Variants in TOB2 observed in about 807,000 individuals in gnomAD.
TOB2 encodes the protein protein Tob2.
TOB2 carries 3 observed loss-of-function variants against 17.3 expected under a neutral mutation model. The ratio of observed to expected loss-of-function variants is 0.17; its 90% CI spans 0.08 to 0.45. The LOEUF (loss-of-function observed/expected upper bound fraction) is 0.45. TOB2 is among the 20% of genes least tolerant of loss of function. TOB2 has a pLI of 0.99. For missense variants in TOB2, 407 were observed against 445.7 expected (o/e 0.91, Z 0.78); for synonymous variants, 163 against 185.6 (o/e 0.88, Z 0.99).
Position 41,434,845 on chromosome 22 carries a change from A to C in TOB2, c.*1466T>G, listed in dbSNP as rs1226431819. Reference sequence around the variant, plus strand: ...AGAGCAAGTGCTCTCCTATGATCCAATACATCAGGCGGGAGTGCTGAGTCC... The same window carrying C: ...AGAGCAAGTGCTCTCCTATGATCCACTACATCAGGCGGGAGTGCTGAGTCC... On this transcript the variant is annotated 3_prime_UTR_variant, in exon 2 of 2. Transcript: ENST00000327492. The C allele has an allele frequency of 6.6e-6, 1 of 152,536 alleles. No individual in the cohort carries two copies. The highest frequency in any genetic ancestry group is 1.5e-5 in the Non-Finnish European group (1 of 68,096). 9.4% of individuals were successfully genotyped at this position (152,536 alleles called of 1,614,324 possible).
At position 41,436,210 on chromosome 22, in the gene TOB2, C is replaced by G. The variant is rs111462313; in HGVS notation, c.*101G>C. 1.4e-6 allele frequency: 2 copies of G among 1,404,866 alleles called. No individual in the cohort carries two copies. Among genetic ancestry groups the G allele is most frequent in the African/African-American group, 2.9e-5 (2 of 69,276 alleles). 87.0% of individuals were successfully genotyped at this position (1,404,866 alleles called of 1,614,324 possible). On this transcript the variant is annotated 3_prime_UTR_variant, in exon 2 of 2. Transcript: ENST00000327492. The surrounding 1 kb of genome is among the most constrained non-coding windows in gnomAD (Gnocchi z 4.8). ...TTTCTAGAAGTAAGAGTGAGAAGAT[C>G]GAAAATCTTTTTGTACATTTTTCTT...
rs1435094041 is a variant in TOB2 at position 41,436,237 on chromosome 22, T to A, written c.*74A>T. 2 of 1,475,522 alleles carry A rather than the reference T, an allele frequency of 1.4e-6. No individual in the cohort carries two copies. Among genetic ancestry groups the A allele is most frequent in the African/African-American group, 2.8e-5 (2 of 71,154 alleles). The allele number at this position is 1,475,522 out of a possible 1,614,324, so 91.4% of individuals were successfully genotyped here. On this transcript the variant is annotated 3_prime_UTR_variant, in exon 2 of 2. Coordinates refer to ENST00000327492, the MANE Select transcript of TOB2 (RefSeq NM_016272.4). This position sits in a 1 kb window ranked among gnomAD's most constrained non-coding sequence, Gnocchi z 4.8. ...AAAATCTTTTTGTACATTTTTCTTT[T>A]CCTCTTTTTTTTGGCCTTTCCTTTC... is the stretch of plus-strand genomic sequence containing the variant.
intron 1 of TOB2, among the ~76,000 whole-genome samples, chr22:41,439,710 T>C (rs1451410702): frequency 1.3e-5 from 2 of 152,104 alleles, no homozygotes; most frequent in Non-Finnish European, 2.9e-5. Context: ...GAGATGGGGT[T>C]TCACCATGTT....
rs780029608 is a variant in TOB2 at position 41,436,766 on chromosome 22, CCTT to C, written c.577_579del (p.Lys193del). 7 of 1,613,938 alleles carry C rather than the reference CCTT, an allele frequency of 4.3e-6. No homozygotes were observed. In the South Asian group the frequency reaches 5.5e-5, roughly 13 times the overall value. ...CCCCCACCACTTGCTGCCCCGCCCC[CCTT>C]CTTCATCTTAGTGGAGCCAAATTTG... On this transcript the variant is annotated inframe_deletion, in exon 2 of 2. Transcript: ENST00000327492. This position sits in a 1 kb window ranked among gnomAD's most constrained non-coding sequence, Gnocchi z 4.8.
chr22:41,437,289 CTTG>C lies in TOB2; in HGVS notation c.54_56del (p.Asn18del). On this transcript the variant is annotated inframe_deletion, in exon 2 of 2. Transcript: ENST00000327492. ...ACAGGTCTGCCCGGCGCCGGGGCAG[CTTG>C]TTGTACAAGTAGGAGATGATGAAGT... 6.2e-7 allele frequency: 1 copy of C among 1,614,108 alleles called. No individual in the cohort carries two copies. The highest frequency in any genetic ancestry group is 8.5e-7 in the Non-Finnish European group (1 of 1,180,032).
At chr22:41,438,565 G>A (rs991038738) in intron 1 of TOB2, among the ~76,000 whole-genome samples, 2 of 143,132 alleles carry the variant, frequency 1.4e-5, no homozygotes, top group African/African-American at 5.1e-5. Context: ...AGGAGGCGGA[G>A]GTTGTGGTGA....
chr22:41,440,297 T>TC (rs1176842784), intron 1 of TOB2, among the ~76,000 whole-genome samples: 1 of 151,244 alleles, frequency 6.6e-6, no homozygotes, highest in East Asian at 2.0e-4. Flanking sequence ...TTTTTTTTTT[T>TC]CAGTAGAGAC....
In TOB2 at chr22:41,437,012, G is replaced by T. The variant is rs1490724722; in HGVS notation, c.334C>A (p.Leu112Met). Reference sequence around the variant, plus strand: ...CAACCCTCACTGTCATCCAGGTACAGCACTTTCACAGCTCCCTTCTCACCA... The same window carrying T: ...CAACCCTCACTGTCATCCAGGTACATCACTTTCACAGCTCCCTTCTCACCA... ...QIGEKGAVKV[L>M]YLDDSEGCGA... The change falls in exon 2 of 2, where the codon CTG (leucine) becomes ATG (methionine). Residue 112 changes from leucine to methionine, a missense_variant. By Grantham distance (15) the Leu-to-Met change is conservative. Coordinates refer to ENST00000327492, the MANE Select transcript of TOB2 (RefSeq NM_016272.4). The T allele has an allele frequency of 1.9e-6, 3 of 1,614,160 alleles. No individual in the cohort carries two copies. Among genetic ancestry groups the T allele is most frequent in the Non-Finnish European group, 2.5e-6 (3 of 1,180,034 alleles).
At chr22:41,444,154 C>T (rs202653) in intron 1 of TOB2, among the ~76,000 whole-genome samples, 113,584 of 151,872 alleles carry the variant, frequency 0.75, 43,091 homozygotes, top group East Asian at 0.95. Flanking sequence ...GGAGTGAGAG[C>T]CAAACGCAGG....
chr22:41,443,554 G>A (rs995686966), intron 1 of TOB2, among the ~76,000 whole-genome samples: 1 of 150,916 alleles, frequency 6.6e-6, no homozygotes, highest in Non-Finnish European at 1.5e-5. Context: ...TCTTGACCTC[G>A]TGATCCGCTC....
intron 1 of TOB2, among the ~76,000 whole-genome samples, chr22:41,441,221 A>G (rs1219024137): frequency 2.6e-5 from 4 of 151,848 alleles, no homozygotes; most frequent in Admixed American, 2.6e-4. Flanking sequence ...AGGCTGAGGC[A>G]GGAGAATCGC....
At chr22:41,439,485 ATGTATGTATG>A (rs1478027830) in intron 1 of TOB2, among the ~76,000 whole-genome samples, 9 of 9,744 alleles carry the variant, frequency 9.2e-4, no homozygotes, top group Non-Finnish European at 2.0e-3. Flanking sequence ...AATTTTACGT[ATGTATGTATG>A]TATGTATGTA....
Position 41,437,190 on chromosome 22 carries a change from G to T in TOB2, c.156C>A (p.Gly52=), listed in dbSNP as rs771485692. The change falls in exon 2 of 2, where the codon GGC becomes GGA. Residue 52 remains glycine, a synonymous_variant. Coordinates refer to ENST00000327492, the MANE Select transcript of TOB2 (RefSeq NM_016272.4). The part of the protein sequence containing the change: ...GHWYPEKPLK[G]SGFRCVHIGE... ...CAATGTGAACACAGCGGAAGCCAGAGCCTTTCAGTGGCTTCTCAGGGTACC... is the reference window on the plus strand; with the variant it reads ...CAATGTGAACACAGCGGAAGCCAGATCCTTTCAGTGGCTTCTCAGGGTACC... The T allele has an allele frequency of 6.2e-7, 1 of 1,614,178 alleles. No homozygotes were observed. The highest frequency in any genetic ancestry group is 2.2e-5 in the East Asian group (1 of 44,878).
chr22:41,445,487 C>A (rs1051897065), intron 1 of TOB2, among the ~76,000 whole-genome samples: 3 of 152,154 alleles, frequency 2.0e-5, no homozygotes, highest in African/African-American at 7.2e-5. Context: ...AGAAAAAGAC[C>A]GTTTAGATAC....
chr22:41,436,355 G>A lies in TOB2; in HGVS notation c.991C>T (p.Gln331Ter). The A allele has an allele frequency of 6.2e-7, 1 of 1,606,776 alleles. No individual in the cohort carries two copies. The highest frequency in any genetic ancestry group is 8.5e-7 in the Non-Finnish European group (1 of 1,176,254). Reference protein sequence around the residue: ...EGLSYNLNTMQYPSQQFQPVV... With the variant: ...EGLSYNLNTM ...GGCTGGAACTGCTGGCTGGGATACT[G>A]CATGGTGTTCAGGTTGTAGCTGAGG... The change falls in exon 2 of 2, where the codon CAG becomes TAG. Residue 331 changes from glutamine to a stop codon, truncating the protein, a stop_gained. Coordinates refer to ENST00000327492, the MANE Select transcript of TOB2 (RefSeq NM_016272.4). LOFTEE classifies it high-confidence loss of function. The surrounding 1 kb of genome is among the most constrained non-coding windows in gnomAD (Gnocchi z 4.8).
rs1386789106 is a variant in TOB2 at position 41,437,241 on chromosome 22, A to G, written c.105T>C (p.Leu35=). The G allele has an allele frequency of 6.2e-7, 1 of 1,613,900 alleles. No individual in the cohort carries two copies. Among genetic ancestry groups the G allele is most frequent in the African/African-American group, 1.3e-5 (1 of 74,922 alleles). Residue 35 remains leucine, a synonymous_variant, in exon 2 of 2, where the codon CTT becomes CTC. Transcript: ENST00000327492. ...AGTGGCCTTCATATTTCTTTTTCAA[A>G]AGCCGCTCTAGCTCCTCCCCAAACA... ...ADLFGEELER[L]LKKKYEGHWY...
At chr22:41,443,809 G>A (rs1272635975) in intron 1 of TOB2, among the ~76,000 whole-genome samples, 2 of 151,862 alleles carry the variant, frequency 1.3e-5, no homozygotes, top group African/African-American at 4.8e-5. Flanking sequence ...TTTTAGCAGA[G>A]ACGGGGTTTC....
At chr22:41,443,334 C>T (rs951479366) in intron 1 of TOB2, among the ~76,000 whole-genome samples, 8 of 152,160 alleles carry the variant, frequency 5.3e-5, no homozygotes, top group Non-Finnish European at 1.2e-4. Flanking sequence ...TTTTTTCCCC[C>T]CCTCGAGACA....
In TOB2 at chr22:41,436,507, C is replaced by G; in HGVS notation, c.839G>C (p.Ser280Thr). ...LFFDAADGQG[S>T]GTPGPFGGSG... ...GCCTCCAAACGGGCCTGGGGTGCCG[C>G]TGCCCTGGCCATCGGCCGCATCAAA... The change falls in exon 2 of 2, where the codon AGC becomes ACC. Residue 280 changes from serine (S) to threonine (T), a missense_variant. Transcript: ENST00000327492. The surrounding 1 kb of genome is among the most constrained non-coding windows in gnomAD (Gnocchi z 4.8). 6.2e-7 allele frequency: 1 copy of G among 1,613,402 alleles called. No homozygotes were observed. Among genetic ancestry groups the G allele is most frequent in the Non-Finnish European group, 8.5e-7 (1 of 1,179,660 alleles).
Sources: gnomAD v4.1 joint callset for allele counts (sites outside exome capture counted in the v4.1 genomes callset) on GRCh38, gnomAD v4.1.1 for gene constraint, Gnocchi (gnomAD v3.1) non-coding constraint, MANE v1.5 for transcripts, NCBI Gene and HGNC (gene_info 2026-07-23, HGNC 2026-07-21) for gene names.